PDGFC: variants seen among roughly 807,000 people sequenced by gnomAD.
PDGFC encodes platelet-derived growth factor C.
A neutral mutation model predicts 35.5 loss-of-function variants in PDGFC; 12 were observed. The ratio of observed to expected loss-of-function variants is 0.34; its 90% CI spans 0.22 to 0.55. The LOEUF is 0.55. PDGFC is among the 20% of genes least tolerant of loss of function. PDGFC has a pLI of 0.91. For synonymous variants in PDGFC, 159 were observed against 148.8 expected, an observed-to-expected ratio of 1.07 and a Z score of -0.50; for missense variants, 322 against 412.4, an observed-to-expected ratio of 0.78 and a Z score of 1.90.
At chr4:156,825,448 G>A (rs1354736320) in intron 2 of PDGFC, among the ~76,000 whole-genome samples, 2 of 150,684 alleles carry the variant, frequency 1.3e-5, no homozygotes, top group African/African-American at 2.4e-5. Context: ...TACTGGGGAG[G>A]CTGAGGTGGG....
At chr4:156,776,774 G>A (rs1333812909) in intron 3 of PDGFC, among the ~76,000 whole-genome samples, 1 of 152,166 alleles carries the variant, frequency 6.6e-6, no homozygotes, top group Non-Finnish European at 1.5e-5. Context: ...CAGGAGTTAA[G>A]GAACTGGACT....
At chr4:156,924,219 T>C (rs1393003863) in intron 1 of PDGFC, among the ~76,000 whole-genome samples, 1 of 152,226 alleles carries the variant, frequency 6.6e-6, no homozygotes, top group Admixed American at 6.5e-5. Flanking sequence ...CAAGTGTTTA[T>C]TCGTGGGCAG....
chr4:156,833,732 A>G (rs1728998979), intron 2 of PDGFC, among the ~76,000 whole-genome samples: 1 of 152,230 alleles, frequency 6.6e-6, no homozygotes, highest in Non-Finnish European at 1.5e-5. Context: ...TGTGAATACT[A>G]TCTCTACAAT....
chr4:156,839,209 C>T (rs113679307), intron 2 of PDGFC, among the ~76,000 whole-genome samples: 6,732 of 152,256 alleles, frequency 0.044, 172 homozygotes, highest in Admixed American at 0.082. Flanking sequence ...CAGACATGTT[C>T]CAAGACTCTT....
chr4:156,850,136 T>C lies in PDGFC; in HGVS notation c.314+85A>G, dbSNP rs1729417819. 7 of 672,538 alleles carry C rather than the reference T, an allele frequency of 1.0e-5. No homozygotes were observed. In the Admixed American group the frequency reaches 1.9e-4, roughly 18 times the overall value. 41.7% of individuals were successfully genotyped at this position (672,538 alleles called of 1,614,324 possible). On this transcript the variant is annotated intron_variant, in intron 2 of 5. Transcript: ENST00000502773. ...CAGAAAAATAAAACAAAAGATGTCA[T>C]TTAAAATCAGATCATCAAAATTAAG...
intron 3 of PDGFC, among the ~76,000 whole-genome samples, chr4:156,773,118 G>A (rs78888913): frequency 0.011 from 1,614 of 152,224 alleles, 20 homozygotes; most frequent in South Asian, 0.025. Context: ...ACCACCAACC[G>A]TGAGGGATAT....
intron 1 of PDGFC, among the ~76,000 whole-genome samples, chr4:156,897,632 T>C (rs145073398): frequency 6.3e-4 from 96 of 152,290 alleles, no homozygotes; most frequent in African/African-American, 2.0e-3. Flanking sequence ...TAAACCTACA[T>C]AGACTTTGAG....
At chr4:156,961,896 G>C (rs1193003217) in intron 1 of PDGFC, among the ~76,000 whole-genome samples, 1 of 152,100 alleles carries the variant, frequency 6.6e-6, no homozygotes, top group Non-Finnish European at 1.5e-5. Context: ...TGTGGACACA[G>C]GCTCAGCTCA....
At chr4:156,851,930 C>CAAAAAAAAAAAAAAAA (rs61505882) in intron 1 of PDGFC, among the ~76,000 whole-genome samples, 69 of 47,850 alleles carry the variant, frequency 1.4e-3, no homozygotes, top group Middle Eastern at 0.014. Flanking sequence ...GACTCCATCT[C>CAAAAAAAAAAAAAAAA]AAAAAAAAAA....
rs992955945 is a variant in PDGFC, at chr4:156,900,190, C to T, written c.119-49774G>A. ...AAATATCTAATTTTATGAATTCTTA[C>T]TAGAATTCACCATCTCCAGTTTTAA... On this transcript the variant is annotated intron_variant, in intron 1 of 5. Transcript: ENST00000502773. Among the ~76,000 whole-genome samples the T allele has an allele frequency of 7.2e-5, 11 of 152,182 alleles. No individual in the cohort carries two copies. In the East Asian group the frequency reaches 1.9e-3, roughly 27 times the overall value.
intron 1 of PDGFC, among the ~76,000 whole-genome samples, chr4:156,868,200 T>C (rs1579066328): frequency 2.0e-5 from 3 of 152,184 alleles, no homozygotes. Flanking sequence ...GTATATTAAA[T>C]CCTATGAATG....
chr4:156,960,852 A>G (rs1732326777), intron 1 of PDGFC, among the ~76,000 whole-genome samples: 1 of 152,120 alleles, frequency 6.6e-6, no homozygotes, highest in Non-Finnish European at 1.5e-5. Flanking sequence ...GAGAGTCTTT[A>G]GCATGCTTCC....
chr4:156,934,058 G>A (rs1484519452), intron 1 of PDGFC, among the ~76,000 whole-genome samples: 1 of 152,100 alleles, frequency 6.6e-6, no homozygotes, highest in Non-Finnish European at 1.5e-5. Context: ...CTTCCTTCAG[G>A]CATGAATTAT....
intron 1 of PDGFC, among the ~76,000 whole-genome samples, chr4:156,956,283 A>G (rs1732207667): frequency 1.3e-5 from 2 of 152,050 alleles, no homozygotes; most frequent in Admixed American, 1.3e-4. Flanking sequence ...CACAGTAGCC[A>G]TGGAGAACAA....
At chr4:156,844,850 TA>T (rs1183070449) in intron 2 of PDGFC, among the ~76,000 whole-genome samples, 1 of 151,986 alleles carries the variant, frequency 6.6e-6, no homozygotes, top group Non-Finnish European at 1.5e-5. Context: ...TCTATTAAAA[TA>T]ATTTAATGCA....
chr4:156,954,780 G>A (rs7655587), intron 1 of PDGFC, among the ~76,000 whole-genome samples: 4,791 of 151,968 alleles, frequency 0.032, 242 homozygotes, highest in African/African-American at 0.11. Flanking sequence ...GAAGCCAGAC[G>A]TTAGGCGCAT....
At chr4:156,945,819 T>G (rs1731934390) in intron 1 of PDGFC, among the ~76,000 whole-genome samples, 1 of 152,030 alleles carries the variant, frequency 6.6e-6, no homozygotes, top group African/African-American at 2.4e-5. Flanking sequence ...ACTCTCTCCC[T>G]CTATTATAAT....
At chr4:156,860,380 C>T (rs1342844668) in intron 1 of PDGFC, among the ~76,000 whole-genome samples, 1 of 152,038 alleles carries the variant, frequency 6.6e-6, no homozygotes, top group Admixed American at 6.6e-5. Flanking sequence ...TCACGACCTT[C>T]GAGCAAGTGA....
chr4:156,878,208 GTAATT>G, intron 1 of PDGFC, among the ~76,000 whole-genome samples: 1 of 152,254 alleles, frequency 6.6e-6, no homozygotes, highest in East Asian at 1.9e-4. Flanking sequence ...ATGGCTATCT[GTAATT>G]TAGACCTAGG....
Sources: allele counts gnomAD v4.1 joint callset (sites outside exome capture counted in the v4.1 genomes callset), GRCh38; gene constraint gnomAD v4.1.1; transcripts MANE v1.5; gene names NCBI Gene and HGNC (gene_info 2026-07-23, HGNC 2026-07-21).